The following ANO4 variants were observed in gnomAD, a reference collection of about 807,000 sequenced individuals.
ANO4 encodes anoctamin-4.
A neutral mutation model predicts 141.9 loss-of-function variants in ANO4; 69 were observed. The ratio of observed to expected loss-of-function variants is 0.49; its 90% CI spans 0.40 to 0.59. The LOEUF (loss-of-function observed/expected upper bound fraction) is 0.59. Among genes scored for constraint, ANO4 ranks in the 20% least tolerant of loss-of-function variants. The pLI, the probability that ANO4 is intolerant of heterozygous loss-of-function variation, is 0.00. For synonymous variants in ANO4, 350 were observed against 394.3 expected (o/e 0.89, Z 1.33); for missense variants, 894 against 1,162.2 (o/e 0.77, Z 3.36).
chr12:100,742,813 A>G (rs992140431), intron 3 of ANO4, among the ~76,000 whole-genome samples: 13 of 152,162 alleles, frequency 8.5e-5, no homozygotes, highest in Admixed American at 8.5e-4. Context: ...ATCCTATTCC[A>G]TCATTCTTTC....
At chr12:101,022,415 C>T (rs559828284) in intron 9 of ANO4, among the ~76,000 whole-genome samples, 58 of 152,306 alleles carry the variant, frequency 3.8e-4, no homozygotes, top group Non-Finnish European at 1.6e-4. Context: ...TCTTGAACTA[C>T]ATTCAATAAC....
intron 8 of ANO4, among the ~76,000 whole-genome samples, chr12:101,001,267 G>A (rs749745906): frequency 6.6e-5 from 10 of 152,146 alleles, no homozygotes; most frequent in Non-Finnish European, 1.2e-4. Context: ...TATAGTATAC[G>A]TATGTAGTCA....
chr12:100,981,589 A>G (rs1467971139), intron 7 of ANO4, among the ~76,000 whole-genome samples: 1 of 152,182 alleles, frequency 6.6e-6, no homozygotes, highest in African/African-American at 2.4e-5. Flanking sequence ...TAGAAACATG[A>G]TGCTATTATT....
At chr12:100,720,364 T>C (rs1414510229) in intron 1 of ANO4, among the ~76,000 whole-genome samples, 1 of 151,910 alleles carries the variant, frequency 6.6e-6, no homozygotes, top group Admixed American at 6.6e-5. Context: ...AGAAAAGGAA[T>C]GAGGCATTCC....
At chr12:100,787,913 T>C (rs2033924642) in intron 3 of ANO4, among the ~76,000 whole-genome samples, 1 of 152,230 alleles carries the variant, frequency 6.6e-6, no homozygotes, top group Non-Finnish European at 1.5e-5. Flanking sequence ...GGGCATTTAT[T>C]CCTTTAAAAA....
At chr12:100,922,777 T>C (rs2041686970) in intron 3 of ANO4, among the ~76,000 whole-genome samples, 1 of 152,138 alleles carries the variant, frequency 6.6e-6, no homozygotes, top group Admixed American at 6.6e-5. Flanking sequence ...TCTGGAGTCA[T>C]TGATGATGGA....
rs1240644380 is a variant in ANO4 at position 100,733,850 on chromosome 12, C to G, written c.99C>G (p.Ile33Met). ...GCTACTACAGTTGTGTCAGCCAGAT[C>G]ACCATAGGTGAGCACTAGTGTCATT... The change falls in exon 2 of 30, where the codon ATC becomes ATG. Residue 33 changes from isoleucine (I) to methionine (M), a missense_variant. Physicochemically the swap from Ile to Met is conservative, Grantham distance 10 (BLOSUM62 1). Transcript: ENST00000644049. 8.6e-6 allele frequency: 6 copies of G among 701,716 alleles called. No homozygotes were observed. In the South Asian group the frequency reaches 8.9e-5, roughly 10 times the overall value. The allele number at this position is 701,716 out of a possible 1,614,324, so 43.5% of individuals were successfully genotyped here.
At chr12:100,999,645 G>A (rs1452799829) in intron 8 of ANO4, among the ~76,000 whole-genome samples, 2 of 152,130 alleles carry the variant, frequency 1.3e-5, no homozygotes, top group African/African-American at 4.8e-5. Flanking sequence ...CAAGGGTTGG[G>A]ACAGAGGACA....
At chr12:100,758,104 A>G (rs2032694401) in intron 3 of ANO4, among the ~76,000 whole-genome samples, 1 of 152,220 alleles carries the variant, frequency 6.6e-6, no homozygotes, top group African/African-American at 2.4e-5. Context: ...GGGCCATGTG[A>G]CAGGTTCTTC....
intron 25 of ANO4, 59 bp from the exon 26 acceptor site, chr12:101,120,461 G>A (rs2137055499): frequency 1.4e-6 from 2 of 1,421,654 alleles, no homozygotes; most frequent in South Asian, 1.2e-5. Context: ...GAGAATGGAA[G>A]AGATTTGAGA....
chr12:101,009,634 C>A (rs940820405), intron 8 of ANO4, among the ~76,000 whole-genome samples: 1 of 152,052 alleles, frequency 6.6e-6, no homozygotes, highest in Non-Finnish European at 1.5e-5. Flanking sequence ...CTCTATGGAA[C>A]CTTATATAAT....
rs554823466 is a variant in ANO4, at chr12:101,004,426, G to T, written c.735-15608G>T. Among the ~76,000 whole-genome samples, 106 of 152,204 alleles carry T rather than the reference G, an allele frequency of 7.0e-4. 1 individual carries two copies. The highest frequency in any genetic ancestry group is 2.5e-3 in the African/African-American group (102 of 41,512). On this transcript the variant is annotated intron_variant, in intron 8 of 27. Coordinates refer to ENST00000392977, the MANE Select transcript of ANO4 (RefSeq NM_001286615.2). ...GCTTTTCAGCTGGAAACTGGAACCA[G>T]CTGCCATTGTGAGGTCAGAGGATCA...
chr12:100,778,423 C>G (rs1182149483), intron 3 of ANO4, among the ~76,000 whole-genome samples: 2 of 152,118 alleles, frequency 1.3e-5, no homozygotes, highest in African/African-American at 4.8e-5. Context: ...AATATTATGG[C>G]AGCCTAGTTC....
Position 101,079,293 on chromosome 12 carries a change from C to G in ANO4, c.1395+18C>G. On this transcript the variant is annotated intron_variant, in intron 15 of 27. Transcript: ENST00000392977. ...AAGAGGAGGTTTGTATCATTTACCTCAGAATGTTGTAAAAAGCAAATCACC... is the reference window on the plus strand; with the variant it reads ...AAGAGGAGGTTTGTATCATTTACCTGAGAATGTTGTAAAAAGCAAATCACC... 1 of 1,600,306 alleles carries G rather than the reference C, an allele frequency of 6.2e-7. No individual in the cohort carries two copies. The highest frequency in any genetic ancestry group is 1.1e-5 in the South Asian group (1 of 90,584).
intron 1 of ANO4, among the ~76,000 whole-genome samples, chr12:100,798,714 A>C (rs1459226559): frequency 6.6e-6 from 1 of 152,238 alleles, no homozygotes; most frequent in Non-Finnish European, 1.5e-5. Context: ...GCCCCAAAAT[A>C]ATGCAAGACG....
Position 101,003,154 on chromosome 12 carries a change from G to T in ANO4, c.734+15484G>T, listed in dbSNP as rs192535931. Among the ~76,000 whole-genome samples the T allele has an allele frequency of 1.5e-4, 23 of 152,342 alleles. No individual in the cohort carries two copies. In the East Asian group the frequency reaches 4.2e-3, roughly 28 times the overall value. ...TTAGAGACTGTGTCAGCCAGGTTCT[G>T]CTGGGTTCTGATACAACAAACCCTC... On this transcript the variant is annotated intron_variant, in intron 8 of 27. Transcript: ENST00000392977.
At chr12:100,839,436 A>AATAAT in intron 1 of ANO4, among the ~76,000 whole-genome samples, 1 of 152,192 alleles carries the variant, frequency 6.6e-6, no homozygotes, top group South Asian at 2.1e-4. Flanking sequence ...ATTTCTTTGT[A>AATAAT]ATGTAGGTAC....
intron 9 of ANO4, among the ~76,000 whole-genome samples, chr12:101,020,526 A>G: frequency 6.6e-6 from 1 of 152,206 alleles, no homozygotes; most frequent in East Asian, 1.9e-4. Context: ...TGATACAGAG[A>G]TAGGCTGGTA....
At chr12:100,723,990 T>A (rs957277785) in intron 1 of ANO4, among the ~76,000 whole-genome samples, 4 of 151,018 alleles carry the variant, frequency 2.6e-5, no homozygotes, top group Non-Finnish European at 5.9e-5. Context: ...TCAGGCACTG[T>A]TGTAGGTTCA....
Sources: allele counts gnomAD v4.1 joint callset (sites outside exome capture counted in the v4.1 genomes callset), GRCh38; gene constraint gnomAD v4.1.1; transcripts MANE v1.5; gene names NCBI Gene and HGNC (gene_info 2026-07-23, HGNC 2026-07-21).